The following HIPK2 variants were observed in gnomAD, a reference collection of about 807,000 sequenced individuals.
HIPK2 encodes homeodomain-interacting protein kinase 2.
In HIPK2, 27 loss-of-function variants were observed where a neutral mutation model predicts 113.7. The ratio of observed to expected loss-of-function variants is 0.24; its 90% CI spans 0.17 to 0.33. The LOEUF is 0.33. Among genes scored for constraint, HIPK2 ranks in the 10% least tolerant of loss-of-function variants. The probability of loss-of-function intolerance (pLI) is 1.00; values close to 1 mark genes in which losing one functional copy is unlikely to be tolerated. For missense variants in HIPK2, 1,257 were observed against 1,588.0 expected (o/e 0.79, Z 3.54); for synonymous variants, 631 against 642.2 (o/e 0.98, Z 0.26).
intron 14 of HIPK2, among the ~76,000 whole-genome samples, 159 bp from the exon 15 acceptor site, chr7:139,573,556 T>C (rs1197963115): frequency 1.3e-5 from 2 of 152,086 alleles, no homozygotes; most frequent in Non-Finnish European, 2.9e-5. Flanking sequence ...AAAAATTTAC[T>C]TGGGACCTGG....
chr7:139,594,107 T>C (rs1020547986), intron 12 of HIPK2, among the ~76,000 whole-genome samples: 1 of 151,984 alleles, frequency 6.6e-6, no homozygotes, highest in African/African-American at 2.4e-5. Context: ...ATCAATCACC[T>C]CACTTGAATT....
chr7:139,662,618 T>C (rs1162741634), intron 2 of HIPK2, among the ~76,000 whole-genome samples: 2 of 69,846 alleles, frequency 2.9e-5, no homozygotes, highest in African/African-American at 5.3e-5. Context: ...AAAACACCAC[T>C]TTTTTTTTTT....
At chr7:139,684,733 G>C (rs1002517910) in intron 2 of HIPK2, among the ~76,000 whole-genome samples, 1 of 152,160 alleles carries the variant, frequency 6.6e-6, no homozygotes, top group Non-Finnish European at 1.5e-5. Flanking sequence ...AAAAAAAGCT[G>C]AGACAGGCTG....
chr7:139,626,462 C>A, intron 6 of HIPK2, 139 bp downstream of exon 6: 1 of 808,738 alleles, frequency 1.2e-6, no homozygotes, highest in Non-Finnish European at 2.0e-6. Context: ...TTATGTATTG[C>A]ATCTGTGGCT....
At chr7:139,733,260 T>C (rs1014155239) in intron 1 of HIPK2, among the ~76,000 whole-genome samples, 1 of 152,214 alleles carries the variant, frequency 6.6e-6, no homozygotes, top group Non-Finnish European at 1.5e-5. Context: ...TATTTCTTTA[T>C]AGCAATGCAA....
In HIPK2 at chr7:139,570,158, C is replaced by A. The variant is rs1554417590; in HGVS notation, c.*2769G>T. 1 of 152,102 alleles carries A rather than the reference C, an allele frequency of 6.6e-6. No homozygotes were observed. The highest frequency in any genetic ancestry group is 2.1e-4 in the South Asian group (1 of 4,800). The allele number at this position is 152,102 out of a possible 1,614,324, so 9.4% of individuals were successfully genotyped here. A position where few individuals can be genotyped will look rare whatever the true frequency, so the allele number is the denominator to read the frequency against. ...AATCTGGGGGTGCTCTCCAGTAAGG[C>A]GAACTGAGGCTCATTTGCAGCCAAG... On this transcript the variant is annotated 3_prime_UTR_variant, in exon 15 of 15. Coordinates refer to ENST00000406875, the MANE Select transcript of HIPK2 (RefSeq NM_022740.5).
At chr7:139,651,581 G>A (rs572997911) in intron 2 of HIPK2, among the ~76,000 whole-genome samples, 88 of 152,296 alleles carry the variant, frequency 5.8e-4, no homozygotes, top group African/African-American at 1.9e-3. Context: ...TGGCCCTGGA[G>A]GCACTTGAGT....
At chr7:139,609,374 T>C (rs1307328585) in intron 9 of HIPK2, among the ~76,000 whole-genome samples, 1 of 152,186 alleles carries the variant, frequency 6.6e-6, no homozygotes, top group Non-Finnish European at 1.5e-5. Flanking sequence ...CTGAAAGTTT[T>C]ATGTGATGCT....
intron 1 of HIPK2, among the ~76,000 whole-genome samples, chr7:139,733,430 C>T (rs1358338816): frequency 6.6e-6 from 1 of 152,192 alleles, no homozygotes; most frequent in Non-Finnish European, 1.5e-5. Flanking sequence ...TATCCTTGGT[C>T]ATAACTGAGA....
chr7:139,647,326 T>C (rs1384338185), intron 2 of HIPK2, among the ~76,000 whole-genome samples: 1 of 152,142 alleles, frequency 6.6e-6, no homozygotes, highest in Non-Finnish European at 1.5e-5. Context: ...GTGGTTTCAT[T>C]ATCTTCTTTC....
intron 1 of HIPK2, among the ~76,000 whole-genome samples, chr7:139,773,168 G>A (rs1337665579): frequency 6.6e-6 from 1 of 152,202 alleles, no homozygotes; most frequent in African/African-American, 2.4e-5. Context: ...TCAAGAGGTG[G>A]AACATTTGAG....
chr7:139,662,708 C>G (rs1198363505), intron 2 of HIPK2, among the ~76,000 whole-genome samples: 1 of 151,834 alleles, frequency 6.6e-6, no homozygotes, highest in Non-Finnish European at 1.5e-5. Context: ...CAACCTCCAC[C>G]TCCTGGGTTC....
At position 139,573,079 on chromosome 7, in the gene HIPK2, C is replaced by T; in HGVS notation, c.3445G>A (p.Gly1149Ser). 1 of 1,611,852 alleles carries T rather than the reference C, an allele frequency of 6.2e-7. No individual in the cohort carries two copies. Among genetic ancestry groups the T allele is most frequent in the African/African-American group, 1.3e-5 (1 of 74,958 alleles). ...SIVHQVPVSMGPRVLPSPTIH... is the reference protein window; with the variant it reads ...SIVHQVPVSMSPRVLPSPTIH... Reference sequence around the variant, plus strand: ...GTGGGCGAGGGCAGGACCCGGGGGCCCATGCTCACGGGGACCTGGTGGACG... The same window carrying T: ...GTGGGCGAGGGCAGGACCCGGGGGCTCATGCTCACGGGGACCTGGTGGACG... Residue 1149 changes from glycine to serine, a missense_variant, in exon 15 of 15, where the codon GGC becomes AGC. This residue lies in a region of HIPK2 where 862 missense variants were observed against 1,004.3 expected (regional missense o/e 0.86). Coordinates refer to ENST00000406875, the MANE Select transcript of HIPK2 (RefSeq NM_022740.5).
At chr7:139,620,837 C>T (rs943070849) in intron 6 of HIPK2, among the ~76,000 whole-genome samples, 2 of 152,242 alleles carry the variant, frequency 1.3e-5, no homozygotes, top group Non-Finnish European at 2.9e-5. Context: ...TGACTGCTCA[C>T]ACTGCATTCT....
intron 2 of HIPK2, among the ~76,000 whole-genome samples, chr7:139,639,658 T>C (rs1159882511): frequency 3.3e-5 from 5 of 152,086 alleles, no homozygotes; most frequent in Non-Finnish European, 7.4e-5. Flanking sequence ...CAGGCAGGGG[T>C]GGCTACCACA....
intron 2 of HIPK2, among the ~76,000 whole-genome samples, chr7:139,667,777 T>C (rs932358854): frequency 3.3e-5 from 5 of 152,238 alleles, no homozygotes; most frequent in Non-Finnish European, 2.9e-5. Context: ...AGGTGTTAAG[T>C]AGTAAATATA....
intron 2 of HIPK2, among the ~76,000 whole-genome samples, chr7:139,679,619 C>T (rs1389324286): frequency 6.6e-6 from 1 of 152,120 alleles, no homozygotes; most frequent in East Asian, 1.9e-4. Flanking sequence ...TAAAAGCATG[C>T]TAGAAGCATT....
chr7:139,724,073 ATCTG>A (rs58479010), intron 1 of HIPK2, among the ~76,000 whole-genome samples: 9,625 of 151,676 alleles, frequency 0.063, 560 homozygotes, highest in Admixed American at 0.19. Context: ...GAAATGCCAT[ATCTG>A]TCTAATATAG....
chr7:139,669,416 T>C (rs1307702434), intron 2 of HIPK2, among the ~76,000 whole-genome samples: 1 of 152,214 alleles, frequency 6.6e-6, no homozygotes, highest in Non-Finnish European at 1.5e-5. Context: ...TTTTTTCTTT[T>C]GTAGACTGAG....
Sources: gnomAD v4.1 joint callset for allele counts (sites outside exome capture counted in the v4.1 genomes callset) on GRCh38, gnomAD v4.1.1 for gene constraint, gnomAD v4.1.1 regional missense constraint, MANE v1.5 for transcripts, NCBI Gene and HGNC (gene_info 2026-07-23, HGNC 2026-07-21) for gene names.